LMX1B: variants seen among roughly 807,000 people sequenced by gnomAD.
LMX1B encodes the protein LIM homeobox transcription factor 1-beta.
A neutral mutation model predicts 51.4 loss-of-function variants in LMX1B; 12 were observed. The ratio of observed to expected loss-of-function variants is 0.23; its 90% CI spans 0.15 to 0.38. The LOEUF is 0.38. LMX1B is among the 10% of genes least tolerant of loss of function. LMX1B has a pLI of 1.00. For missense variants in LMX1B, 445 were observed against 571.1 expected, an observed-to-expected ratio of 0.78 and a Z score of 2.25; for synonymous variants, 237 against 235.4, an observed-to-expected ratio of 1.01 and a Z score of -0.06.
chr9:126,673,637 C>T lies in LMX1B; in HGVS notation c.327-17199C>T, dbSNP rs557779150. On this transcript the variant is annotated intron_variant, in intron 2 of 7. Transcript: ENST00000373474. The surrounding 1 kb of genome is among the most constrained non-coding windows in gnomAD (Gnocchi z 4.4). ...CGGGCTCTGAGACACTCCACCTCCA[C>T]TCTGGGCAGAGAGGGGGCATCGGGG... 2.6e-5 allele frequency among the ~76,000 whole-genome samples: 4 copies of T among 152,252 alleles called. No homozygotes were observed. Among genetic ancestry groups the T allele is most frequent in the African/African-American group, 9.6e-5 (4 of 41,540 alleles).
At chr9:126,688,283 C>T (rs2029983400) in intron 2 of LMX1B, among the ~76,000 whole-genome samples, 1 of 152,242 alleles carries the variant, frequency 6.6e-6, no homozygotes, top group South Asian at 2.1e-4. Flanking sequence ...GCACAGCCAG[C>T]ACTGTGGCTT....
intron 2 of LMX1B, among the ~76,000 whole-genome samples, chr9:126,645,593 G>A (rs1275703753): frequency 2.0e-5 from 3 of 152,204 alleles, no homozygotes; most frequent in Non-Finnish European, 4.4e-5. Flanking sequence ...GATCCTCGGA[G>A]GAGAAGTCAA....
intron 2 of LMX1B, among the ~76,000 whole-genome samples, chr9:126,629,329 G>A (rs571822922): frequency 6.6e-6 from 1 of 152,210 alleles, no homozygotes; most frequent in Non-Finnish European, 1.5e-5. Flanking sequence ...CAATAATAAC[G>A]CCAGCTGATG....
intron 2 of LMX1B, among the ~76,000 whole-genome samples, chr9:126,637,187 C>CCT (rs1835729537): frequency 6.6e-6 from 1 of 152,252 alleles, no homozygotes; most frequent in Admixed American, 6.5e-5. Flanking sequence ...GCACTGTGCT[C>CCT]TGGAACCGGC....
intron 2 of LMX1B, among the ~76,000 whole-genome samples, chr9:126,651,317 T>G (rs62578138): frequency 0.02 from 2,956 of 150,022 alleles, 33 homozygotes; most frequent in Middle Eastern, 0.038. Context: ...GGCTCCAAGC[T>G]GCCCCGGGAA....
intron 2 of LMX1B, among the ~76,000 whole-genome samples, chr9:126,616,894 G>A (rs774813402): frequency 6.6e-6 from 1 of 152,206 alleles, no homozygotes; most frequent in Non-Finnish European, 1.5e-5. Context: ...GCTGCTTTTT[G>A]CACCTAGCTC....
At position 126,658,180 on chromosome 9, in the gene LMX1B, A is replaced by G. The variant is rs1015231436; in HGVS notation, c.327-32656A>G. 1.3e-5 allele frequency among the ~76,000 whole-genome samples: 2 copies of G among 151,740 alleles called. No individual in the cohort carries two copies. The highest frequency in any genetic ancestry group is 4.8e-5 in the African/African-American group (2 of 41,298). On this transcript the variant is annotated intron_variant, in intron 2 of 7. Transcript: ENST00000373474. This position sits in a 1 kb window ranked among gnomAD's most constrained non-coding sequence, Gnocchi z 4.0. ...AGAGGTCAGGGGTCTGTGTCTGGGGAATGTGGGGGCTGGGTTGTAGGAGTG... is the reference window on the plus strand; with the variant it reads ...AGAGGTCAGGGGTCTGTGTCTGGGGGATGTGGGGGCTGGGTTGTAGGAGTG...
intron 2 of LMX1B, among the ~76,000 whole-genome samples, chr9:126,686,056 A>C (rs1221388511): frequency 6.6e-6 from 1 of 152,110 alleles, no homozygotes; most frequent in East Asian, 1.9e-4. Flanking sequence ...GTGTCTCTGC[A>C]GCTGCCAGTG....
intron 2 of LMX1B, among the ~76,000 whole-genome samples, chr9:126,674,160 G>A (rs1025663841): frequency 2.0e-5 from 3 of 152,082 alleles, no homozygotes; most frequent in Non-Finnish European, 4.4e-5. Flanking sequence ...GGCATCAAGA[G>A]CTTGCTCCTC....
rs1836577369 is a variant in LMX1B at position 126,677,076 on chromosome 9, A to C, written c.327-13760A>C. Among the ~76,000 whole-genome samples the C allele has an allele frequency of 6.6e-6, 1 of 152,158 alleles. No homozygotes were observed. The highest frequency in any genetic ancestry group is 1.5e-5 in the Non-Finnish European group (1 of 68,004). On this transcript the variant is annotated intron_variant, in intron 2 of 7. Coordinates refer to ENST00000373474, the MANE Select transcript of LMX1B (RefSeq NM_001174147.2). This position sits in a 1 kb window ranked among gnomAD's most constrained non-coding sequence, Gnocchi z 5.0. ...GGCATGGGGCGATCAGTTACCCACT[A>C]AATGGGCGGGCTGCGTGCCCTGCCT...
intron 2 of LMX1B, among the ~76,000 whole-genome samples, chr9:126,689,887 CTTGCAGGG>C (rs2030059300): frequency 6.6e-6 from 1 of 152,210 alleles, no homozygotes. Flanking sequence ...TCATTCTTTT[CTTGCAGGG>C]TTGTTGCAAG....
In LMX1B at chr9:126,671,047, A is replaced by G. The variant is rs1403159793; in HGVS notation, c.327-19789A>G. On this transcript the variant is annotated intron_variant, in intron 2 of 7. Coordinates refer to ENST00000373474, the MANE Select transcript of LMX1B (RefSeq NM_001174147.2). This position sits in a 1 kb window ranked among gnomAD's most constrained non-coding sequence, Gnocchi z 4.4. Reference sequence around the variant, plus strand: ...CAGGACAGATACACAGCCAGGGGCCATGCCAGGTGGCAGAGAAGGGGGCAA... The same window carrying G: ...CAGGACAGATACACAGCCAGGGGCCGTGCCAGGTGGCAGAGAAGGGGGCAA... 6.6e-6 allele frequency among the ~76,000 whole-genome samples: 1 copy of G among 152,162 alleles called. No individual in the cohort carries two copies. The highest frequency in any genetic ancestry group is 1.5e-5 in the Non-Finnish European group (1 of 68,028).
rs1285762533 is a variant in LMX1B at position 126,618,133 on chromosome 9, G to C, written c.326+2564G>C. Among the ~76,000 whole-genome samples, 1 of 152,104 alleles carries C rather than the reference G, an allele frequency of 6.6e-6. No homozygotes were observed. Among genetic ancestry groups the C allele is most frequent in the Non-Finnish European group, 1.5e-5 (1 of 68,030 alleles). On this transcript the variant is annotated intron_variant, in intron 2 of 7. Transcript: ENST00000373474. This position sits in a 1 kb window ranked among gnomAD's most constrained non-coding sequence, Gnocchi z 4.5. ...TTTTCAGACAGGAATCCAAGCAAGC[G>C]GGCGCAGAAACGTGCCTTCTTGATA...
At chr9:126,691,909 T>G (rs867173838) in intron 3 of LMX1B, among the ~76,000 whole-genome samples, 4 of 152,210 alleles carry the variant, frequency 2.6e-5, no homozygotes, top group Non-Finnish European at 5.9e-5. Flanking sequence ...ACGAGGCCAA[T>G]TTGAAGGCCT....
chr9:126,646,382 G>A (rs527351684), intron 2 of LMX1B, among the ~76,000 whole-genome samples: 34 of 151,176 alleles, frequency 2.2e-4, no homozygotes, highest in Non-Finnish European at 4.0e-4. Flanking sequence ...CCGCTTATCC[G>A]CCTACCTGTC....
At chr9:126,643,533 T>C (rs1835845257) in intron 2 of LMX1B, among the ~76,000 whole-genome samples, 1 of 152,160 alleles carries the variant, frequency 6.6e-6, no homozygotes. Flanking sequence ...TTTAGTGATA[T>C]CCTGTTTGTC....
chr9:126,666,177 G>A (rs969529164), intron 2 of LMX1B, among the ~76,000 whole-genome samples: 10 of 152,244 alleles, frequency 6.6e-5, no homozygotes, highest in African/African-American at 2.4e-4. Context: ...CAGCTCTGGT[G>A]CTCTGCTCAC....
At position 126,693,308 on chromosome 9, in the gene LMX1B, G is replaced by A. The variant is rs13295990; in HGVS notation, c.726G>A (p.Ser242=). 29 of 1,600,244 alleles carry A rather than the reference G, an allele frequency of 1.8e-5. No homozygotes were observed. Among genetic ancestry groups the A allele is most frequent in the Admixed American group, 1.0e-4 (6 of 58,198 alleles). ...TCAAGGCCTCCTTCGAGGTCTCGTC[G>A]AAGCCTTGCCGAAAGGTGAGGGGCG... ...RAFKASFEVS[S]KPCRKVRETL... Residue 242 remains serine (S), a synonymous_variant, in exon 4 of 8, where the codon TCG becomes TCA. Coordinates refer to ENST00000373474, the MANE Select transcript of LMX1B (RefSeq NM_001174147.2).
rs534963836 is a variant in LMX1B, at chr9:126,693,517, G to C, written c.742-7G>C. On this transcript the variant is annotated splice_region_variant and splice_polypyrimidine_tract_variant and intron_variant, in intron 4 of 7. Coordinates refer to ENST00000373474, the MANE Select transcript of LMX1B (RefSeq NM_001174147.2). The stretch of plus-strand genomic sequence containing the variant: ...GGGCCTGACCTGTTCCCCTCTCTCT[G>C]AGCCAGGTCCGAGAGACACTGGCAG... 15 of 1,613,830 alleles carry C rather than the reference G, an allele frequency of 9.3e-6. No individual in the cohort carries two copies. The African/African-American group carries it at 2.0e-4, about 22-fold the overall frequency.
Sources: allele counts gnomAD v4.1 joint callset (sites outside exome capture counted in the v4.1 genomes callset), GRCh38; gene constraint gnomAD v4.1.1; non-coding constraint Gnocchi (gnomAD v3.1); transcripts MANE v1.5; gene names NCBI Gene and HGNC (gene_info 2026-07-23, HGNC 2026-07-21).